The following EPHX2 variants were observed in gnomAD, a reference collection of about 807,000 sequenced individuals.
The protein encoded by EPHX2 is bifunctional epoxide hydrolase 2.
Under a neutral mutation model 78.7 loss-of-function variants are expected in EPHX2, and 74 were observed. The ratio of observed to expected loss-of-function variants is 0.94; its 90% CI spans 0.78 to 1.14. The LOEUF (loss-of-function observed/expected upper bound fraction) is 1.14, where lower values mean the gene tolerates loss of function less well. Ranked by LOEUF, EPHX2 falls within the 50% of genes most tolerant of loss-of-function variation. EPHX2 has a pLI of 0.00. For synonymous variants in EPHX2, 251 were observed against 255.2 expected (o/e 0.98, Z 0.16); for missense variants, 715 against 702.5 (o/e 1.02, Z -0.20).
chr8:27,531,108 G>A (rs925813711), intron 12 of EPHX2, among the ~76,000 whole-genome samples: 2 of 152,178 alleles, frequency 1.3e-5, no homozygotes, highest in African/African-American at 4.8e-5. Flanking sequence ...CCTTGGCAGG[G>A]TTATTTTCAT....
At chr8:27,526,718 TCTC>T (rs1447614306) in intron 12 of EPHX2, among the ~76,000 whole-genome samples, 5 of 152,054 alleles carry the variant, frequency 3.3e-5, no homozygotes, top group Admixed American at 2.0e-4. Context: ...GTAGTCCTCT[TCTC>T]CTTGTTTCCT....
intron 1 of EPHX2, among the ~76,000 whole-genome samples, chr8:27,495,241 A>G (rs1002379301): frequency 6.6e-6 from 1 of 151,580 alleles, no homozygotes; most frequent in Non-Finnish European, 1.5e-5. Flanking sequence ...ATACACATTT[A>G]TTTTTTTTTC....
chr8:27,494,631 G>T (rs1029381094), intron 1 of EPHX2, among the ~76,000 whole-genome samples: 2 of 152,184 alleles, frequency 1.3e-5, no homozygotes, highest in Non-Finnish European at 2.9e-5. Context: ...CCTATTCTTT[G>T]TTCCCCCAGA....
At chr8:27,499,651 C>T (rs1007356347) in intron 1 of EPHX2, among the ~76,000 whole-genome samples, 8 of 152,162 alleles carry the variant, frequency 5.3e-5, no homozygotes, top group East Asian at 1.9e-4. Flanking sequence ...CAAATGCATT[C>T]GTACACATAA....
rs1371970326 is a variant in EPHX2, at chr8:27,525,447, G to A, written c.1144G>A (p.Asp382Asn). Residue 382 changes from aspartate (D) to asparagine (N), a missense_variant, in exon 12 of 19, where the codon GAT becomes AAT. Coordinates refer to ENST00000521400, the MANE Select transcript of EPHX2 (RefSeq NM_001979.6). ...LESIKANPVFDYQLYFQEPGV... is the reference protein window; with the variant it reads ...LESIKANPVFNYQLYFQEPGV... ...GAGTATCAAAGCCAACCCAGTATTT[G>A]ATTACCAGCTCTACTTCCAAGAACC... 6.2e-7 allele frequency: 1 copy of A among 1,614,098 alleles called. No homozygotes were observed. The highest frequency in any genetic ancestry group is 1.7e-5 in the Admixed American group (1 of 60,026).
Position 27,515,792 on chromosome 8 carries a change from T to A in EPHX2, c.810T>A (p.Ser270Arg), listed in dbSNP as rs35169320. The A allele has an allele frequency of 6.2e-7, 1 of 1,613,880 alleles. No individual in the cohort carries two copies. Among genetic ancestry groups the A allele is most frequent in the East Asian group, 2.2e-5 (1 of 44,862 alleles). Residue 270 changes from serine to arginine, a missense_variant, in exon 7 of 19, where the codon AGT (serine) becomes AGA (arginine). Physicochemically the swap from Ser to Arg is moderately radical, Grantham distance 110 (BLOSUM62 -1). Coordinates refer to ENST00000521400, the MANE Select transcript of EPHX2 (RefSeq NM_001979.6). The part of the protein sequence containing the change: ...AVCLCHGFPE[S>R]WYSWRYQIPA... Reference sequence around the variant, plus strand: ...GCCTCTGCCATGGATTTCCCGAGAGTTGGTATTCTTGGAGGTACCAGGTGA... The same window carrying A: ...GCCTCTGCCATGGATTTCCCGAGAGATGGTATTCTTGGAGGTACCAGGTGA...
intron 6 of EPHX2, 45 bp downstream of exon 6, chr8:27,511,955 G>A: frequency 6.3e-7 from 1 of 1,595,432 alleles, no homozygotes; most frequent in Non-Finnish European, 8.6e-7. Flanking sequence ...TCTCCCACCA[G>A]GTCACCTAAA....
At chr8:27,525,125 C>T (rs981190128) in intron 11 of EPHX2, among the ~76,000 whole-genome samples, 3 of 145,822 alleles carry the variant, frequency 2.1e-5, no homozygotes, top group Non-Finnish European at 4.5e-5. Flanking sequence ...CGCGCGCGCA[C>T]CTATGTGTCT....
intron 12 of EPHX2, among the ~76,000 whole-genome samples, chr8:27,526,297 G>T (rs371500115): frequency 6.6e-6 from 1 of 152,190 alleles, no homozygotes; most frequent in East Asian, 1.9e-4. Context: ...GACAGCATCT[G>T]TGTGAAAGGA....
chr8:27,505,267 C>A, intron 4 of EPHX2, 121 bp downstream of exon 4: 1 of 906,608 alleles, frequency 1.1e-6, no homozygotes, highest in Non-Finnish European at 1.7e-6. Context: ...GAGTCCACTT[C>A]TCCCAGACCA....
intron 1 of EPHX2, among the ~76,000 whole-genome samples, chr8:27,496,770 G>T (rs1051640593): frequency 8.5e-5 from 13 of 152,136 alleles, no homozygotes; most frequent in Non-Finnish European, 7.3e-5. Context: ...AAGTGGTGGG[G>T]TCTTTAACCT....
chr8:27,501,105 C>A, intron 2 of EPHX2, 95 bp downstream of exon 2: 1 of 1,010,080 alleles, frequency 9.9e-7, no homozygotes. Context: ...ATAGAAAACA[C>A]CCACCTTTTC....
intron 10 of EPHX2, among the ~76,000 whole-genome samples, chr8:27,522,064 C>A (rs1814667784): frequency 6.6e-6 from 1 of 151,946 alleles, no homozygotes; most frequent in South Asian, 2.1e-4. Context: ...GGGGTAGAAG[C>A]ATAATCATTT....
At chr8:27,498,463 C>G (rs184289248) in intron 1 of EPHX2, among the ~76,000 whole-genome samples, 2 of 151,690 alleles carry the variant, frequency 1.3e-5, no homozygotes, top group African/African-American at 4.8e-5. Context: ...TCAGTGGTAT[C>G]TTCTTCCTGT....
rs1274439588 is a variant in EPHX2, at chr8:27,500,911, C to T, written c.102-15C>T. 1.2e-6 allele frequency: 2 copies of T among 1,609,040 alleles called. No homozygotes were observed. The highest frequency in any genetic ancestry group is 4.5e-5 in the East Asian group (2 of 44,742). On this transcript the variant is annotated splice_polypyrimidine_tract_variant and intron_variant, in intron 1 of 18. Coordinates refer to ENST00000521400, the MANE Select transcript of EPHX2 (RefSeq NM_001979.6). Reference sequence around the variant, plus strand: ...AAATCCACAGAATGTTCCTGATGTTCTTTGTGTTTTCCAGAGGACTTCTGA... The same window carrying T: ...AAATCCACAGAATGTTCCTGATGTTTTTTGTGTTTTCCAGAGGACTTCTGA...
At position 27,522,512 on chromosome 8, in the gene EPHX2, A is replaced by G; in HGVS notation, c.1058+4A>G. 6.2e-7 allele frequency: 1 copy of G among 1,613,794 alleles called. No individual in the cohort carries two copies. Among genetic ancestry groups the G allele is most frequent in the Non-Finnish European group, 8.5e-7 (1 of 1,179,788 alleles). On this transcript the variant is annotated splice_donor_region_variant and intron_variant, in intron 11 of 18. Coordinates refer to ENST00000521400, the MANE Select transcript of EPHX2 (RefSeq NM_001979.6). ...TCTTCTACCCCGAGAGAGTGAGGTAATTGGGCCTCGGGCAATAAAGATTTG... is the reference window on the plus strand; with the variant it reads ...TCTTCTACCCCGAGAGAGTGAGGTAGTTGGGCCTCGGGCAATAAAGATTTG...
chr8:27,505,924 G>A (rs1448223956), intron 4 of EPHX2, among the ~76,000 whole-genome samples: 2 of 152,102 alleles, frequency 1.3e-5, no homozygotes, highest in Admixed American at 1.3e-4. Context: ...GTAAATGCAT[G>A]CACCCATGCT....
intron 11 of EPHX2, among the ~76,000 whole-genome samples, chr8:27,525,107 T>TGTGTGTGCGC (rs1491544464): frequency 7.7e-5 from 8 of 103,456 alleles, no homozygotes; most frequent in African/African-American, 2.5e-4. Flanking sequence ...TGTGTGTGTG[T>TGTGTGTGCGC]GCGCGCGCGC....
intron 13 of EPHX2, 141 bp from the exon 14 acceptor site, chr8:27,538,518 A>G: frequency 1.4e-6 from 1 of 706,826 alleles, no homozygotes; most frequent in Admixed American, 2.8e-5. Flanking sequence ...TCTGCGTGGT[A>G]CTCAGAGGTC....
Sources: gnomAD v4.1 joint callset for allele counts (sites outside exome capture counted in the v4.1 genomes callset) on GRCh38, gnomAD v4.1.1 for gene constraint, MANE v1.5 for transcripts, NCBI Gene and HGNC (gene_info 2026-07-23, HGNC 2026-07-21) for gene names.